The following PKNOX1 variants were observed in gnomAD, a reference collection of about 807,000 sequenced individuals.
The protein encoded by PKNOX1 is PBX/knotted 1 homeobox 1.
Under a neutral mutation model 51.9 loss-of-function variants are expected in PKNOX1, and 15 were observed. The ratio of observed to expected loss-of-function variants is 0.29; its 90% confidence interval spans 0.19 to 0.45. The LOEUF is 0.45. Among genes scored for constraint, PKNOX1 ranks in the 20% least tolerant of loss-of-function variants. PKNOX1 has a pLI of 1.00. For synonymous variants in PKNOX1, 219 were observed against 211.1 expected (o/e 1.04, Z -0.32); for missense variants, 462 against 547.5 (o/e 0.84, Z 1.56).
chr21:43,013,945 G>T (rs916630215), intron 5 of PKNOX1, among the ~76,000 whole-genome samples: 40 of 151,460 alleles, frequency 2.6e-4, no homozygotes, highest in Non-Finnish European at 4.7e-4. Flanking sequence ...TTCCCTGATG[G>T]CTAATAATGT....
intron 1 of PKNOX1, among the ~76,000 whole-genome samples, chr21:42,999,403 G>GA (rs1348577287): frequency 9.2e-5 from 14 of 152,344 alleles, no homozygotes; most frequent in African/African-American, 3.4e-4. Context: ...TTGTCTGGGG[G>GA]ATTAACATTA....
chr21:43,003,395 C>T (rs865872785), intron 1 of PKNOX1, among the ~76,000 whole-genome samples: 9 of 152,168 alleles, frequency 5.9e-5, no homozygotes, highest in South Asian at 4.1e-4. Flanking sequence ...GAAGCAAGTG[C>T]GCCACACTTG....
At chr21:43,014,973 C>T (rs1052785612) in intron 5 of PKNOX1, among the ~76,000 whole-genome samples, 1 of 152,244 alleles carries the variant, frequency 6.6e-6, no homozygotes, top group Non-Finnish European at 1.5e-5. Context: ...GACATCTTTA[C>T]TGCATTAAGT....
At chr21:43,005,206 CA>C (rs1339555872) in intron 2 of PKNOX1, among the ~76,000 whole-genome samples, 2 of 152,184 alleles carry the variant, frequency 1.3e-5, no homozygotes, top group Non-Finnish European at 2.9e-5. Context: ...GCCCAGCAGG[CA>C]GGGGCAGTGC....
At chr21:43,002,609 G>A (rs1417562330) in intron 1 of PKNOX1, among the ~76,000 whole-genome samples, 1 of 152,186 alleles carries the variant, frequency 6.6e-6, no homozygotes, top group East Asian at 1.9e-4. Context: ...TGCCTCCCAC[G>A]GATTTTGTGA....
At chr21:43,008,061 T>TCTTACACA (rs59792199) in intron 3 of PKNOX1, among the ~76,000 whole-genome samples, 1 of 146,776 alleles carries the variant, frequency 6.8e-6, no homozygotes, top group African/African-American at 2.6e-5. Flanking sequence ...CAAAACTCTG[T>TCTTACACA]CACACACACA....
intron 1 of PKNOX1, chr21:43,004,120 C>A: frequency 6.3e-6 from 2 of 315,408 alleles, no homozygotes; most frequent in South Asian, 2.9e-5. Context: ...GACTGTAATC[C>A]CAGCTACTAG....
At chr21:43,005,942 A>G (rs1978969608) in intron 2 of PKNOX1, among the ~76,000 whole-genome samples, 1 of 152,144 alleles carries the variant, frequency 6.6e-6, no homozygotes, top group Non-Finnish European at 1.5e-5. Context: ...AGGGCCTCGG[A>G]AGTGTTTAAT....
intron 1 of PKNOX1, 119 bp from the exon 2 acceptor site, chr21:43,004,207 A>G (rs1404666993): frequency 5.9e-6 from 3 of 511,338 alleles, no homozygotes; most frequent in African/African-American, 2.0e-5. Context: ...ATTGCACTCC[A>G]GCCTGGGCAA....
At chr21:43,016,227 C>T (rs536651571) in intron 5 of PKNOX1, among the ~76,000 whole-genome samples, 12 of 152,354 alleles carry the variant, frequency 7.9e-5, no homozygotes, top group Non-Finnish European at 1.2e-4. Flanking sequence ...CCCACCCAGG[C>T]GTCACAGTCA....
chr21:42,983,615 G>A (rs1163339874), intron 1 of PKNOX1, among the ~76,000 whole-genome samples: 1 of 151,316 alleles, frequency 6.6e-6, no homozygotes, highest in African/African-American at 2.5e-5. Context: ...ATACTTCTCC[G>A]AGATCCTACT....
intron 1 of PKNOX1, among the ~76,000 whole-genome samples, chr21:42,982,074 C>A (rs59913036): frequency 6.6e-6 from 1 of 152,194 alleles, no homozygotes; most frequent in African/African-American, 2.4e-5. Flanking sequence ...CTGTACTCTC[C>A]CTTTTCCAGC....
intron 1 of PKNOX1, among the ~76,000 whole-genome samples, chr21:42,990,130 A>G (rs1214159108): frequency 6.6e-6 from 1 of 151,582 alleles, no homozygotes; most frequent in Non-Finnish European, 1.5e-5. Flanking sequence ...AAGCGGACAC[A>G]GTGTGCCTGT....
At chr21:43,014,797 A>G (rs1342782254) in intron 5 of PKNOX1, among the ~76,000 whole-genome samples, 2 of 152,230 alleles carry the variant, frequency 1.3e-5, no homozygotes, top group Non-Finnish European at 2.9e-5. Flanking sequence ...AGCTGGGCAC[A>G]TTGTTTCCTC....
rs371587853 is a variant in PKNOX1 at position 42,999,225 on chromosome 21, G to A, written c.-56-5101G>A. 5.3e-5 allele frequency among the ~76,000 whole-genome samples: 8 copies of A among 152,342 alleles called. No homozygotes were observed. The South Asian group carries it at 6.2e-4, about 12-fold the overall frequency. ...CCGAGTTCTGCATTGGCCCTTTTCA[G>A]CCACGGCTGGAGCAGCTGGGATGCA... On this transcript the variant is annotated intron_variant, in intron 1 of 10. Transcript: ENST00000291547.
chr21:42,993,363 C>T (rs2059099001), intron 1 of PKNOX1, among the ~76,000 whole-genome samples: 1 of 152,160 alleles, frequency 6.6e-6, no homozygotes, highest in South Asian at 2.1e-4. Flanking sequence ...AGCTTCCAGG[C>T]GCCTTGAGTG....
intron 1 of PKNOX1, among the ~76,000 whole-genome samples, chr21:42,975,776 C>G (rs902244836): frequency 2.0e-5 from 3 of 152,374 alleles, no homozygotes; most frequent in Middle Eastern, 3.4e-3. Context: ...GTGTGGGGTT[C>G]TCTTCCAACT....
chr21:43,019,717 A>G (rs1979669729), intron 7 of PKNOX1, among the ~76,000 whole-genome samples: 1 of 151,630 alleles, frequency 6.6e-6, no homozygotes, highest in Admixed American at 6.6e-5. Context: ...TAATTTTTGT[A>G]TTTTTAGTAG....
At chr21:43,028,513 GT>G in intron 9 of PKNOX1, 188 bp from the exon 10 acceptor site, 1 of 639,480 alleles carries the variant, frequency 1.6e-6, no homozygotes, top group South Asian at 1.9e-5. Flanking sequence ...AACAGGCTCT[GT>G]GTTTCTGGGC....
Sources: allele counts gnomAD v4.1 joint callset (sites outside exome capture counted in the v4.1 genomes callset), GRCh38; gene constraint gnomAD v4.1.1; transcripts MANE v1.5; gene names NCBI Gene and HGNC (gene_info 2026-07-23, HGNC 2026-07-21).